PCNX1: variants seen among roughly 807,000 people sequenced by gnomAD.
PCNX1 encodes the protein pecanex 1, also known as pecanex-like protein 1.
PCNX1 carries 78 observed loss-of-function variants against 242.2 expected under a neutral mutation model. That is an observed-to-expected ratio of 0.32 (90% CI 0.27 to 0.39). The LOEUF is 0.39. Ranked by LOEUF, PCNX1 falls within the 10% of genes least tolerant of loss-of-function variation. The pLI is 1.00. For synonymous variants in PCNX1, 1,024 were observed against 1,032.9 expected (o/e 0.99, Z 0.17); for missense variants, 2,581 against 2,856.5 (o/e 0.90, Z 2.20).
At chr14:70,963,803 A>G (rs2058294162) in intron 3 of PCNX1, among the ~76,000 whole-genome samples, 2 of 152,198 alleles carry the variant, frequency 1.3e-5, no homozygotes, top group South Asian at 2.1e-4. Flanking sequence ...CCAGTTCTGT[A>G]AAACAAGTTA....
In PCNX1 at chr14:71,028,808, A is replaced by G. The variant is rs753730678; in HGVS notation, c.3558+17A>G. 4.1e-6 allele frequency: 6 copies of G among 1,460,114 alleles called. No individual in the cohort carries two copies. The East Asian group carries it at 1.2e-4, about 28-fold the overall frequency. The allele number at this position is 1,460,114 out of a possible 1,614,324, so 90.4% of individuals were successfully genotyped here. On this transcript the variant is annotated intron_variant, in intron 16 of 35. Transcript: ENST00000304743. ...GCTTTAAAGGTGAGCAATAAATTAT[A>G]GTATGTTTTGTCTTTAAGGCTATAT...
intron 1 of PCNX1, among the ~76,000 whole-genome samples, chr14:70,925,422 C>T (rs2056550998): frequency 1.3e-5 from 2 of 152,258 alleles, no homozygotes; most frequent in South Asian, 4.1e-4. Flanking sequence ...TACTGTCAAG[C>T]ATACTGTTTT....
intron 18 of PCNX1, among the ~76,000 whole-genome samples, chr14:71,035,116 C>T (rs1487390532): frequency 2.0e-5 from 3 of 152,066 alleles, no homozygotes; most frequent in African/African-American, 7.2e-5. Context: ...GAGACTAAGG[C>T]TGGAGGATCC....
chr14:70,998,275 C>T (rs2059409339), intron 8 of PCNX1, among the ~76,000 whole-genome samples: 1 of 152,058 alleles, frequency 6.6e-6, no homozygotes, highest in African/African-American at 2.4e-5. Flanking sequence ...ATTTCTCTGG[C>T]ATTTTAAGGT....
At chr14:71,091,797 T>G (rs531072507) in intron 30 of PCNX1, among the ~76,000 whole-genome samples, 2 of 152,208 alleles carry the variant, frequency 1.3e-5, no homozygotes, top group Non-Finnish European at 2.9e-5. Flanking sequence ...CTGTGGTACA[T>G]ATTAATATTA....
At chr14:70,964,517 G>T (rs776362730) in intron 3 of PCNX1, among the ~76,000 whole-genome samples, 27 of 152,120 alleles carry the variant, frequency 1.8e-4, no homozygotes, top group Admixed American at 3.9e-4. Context: ...TGCATGTCTT[G>T]TATTCTTAAT....
intron 27 of PCNX1, among the ~76,000 whole-genome samples, chr14:71,074,771 T>C (rs891288498): frequency 6.6e-6 from 1 of 152,178 alleles, no homozygotes; most frequent in African/African-American, 2.4e-5. Flanking sequence ...GCTTAGCGGT[T>C]ACCCCCTAGA....
At chr14:71,071,274 T>C (rs1021563387) in intron 26 of PCNX1, among the ~76,000 whole-genome samples, 12 of 152,242 alleles carry the variant, frequency 7.9e-5, no homozygotes, top group African/African-American at 2.7e-4. Flanking sequence ...TCTTATCTTT[T>C]GTTTGTTCAC....
chr14:70,945,167 G>T lies in PCNX1; in HGVS notation c.154-1748G>T, dbSNP rs560240103. Among the ~76,000 whole-genome samples the T allele has an allele frequency of 2.6e-5, 4 of 152,202 alleles. No homozygotes were observed. In the South Asian group the frequency reaches 8.3e-4, roughly 32 times the overall value. On this transcript the variant is annotated intron_variant, in intron 1 of 35. Coordinates refer to ENST00000304743, the MANE Select transcript of PCNX1 (RefSeq NM_014982.3). ...TCCTGAGGCTATCCAGGAGTCCCCA[G>T]GCACCAGTCAAGCTAATAGTGAACA...
At chr14:71,023,658 A>T (rs1486481437) in intron 13 of PCNX1, among the ~76,000 whole-genome samples, 1 of 152,136 alleles carries the variant, frequency 6.6e-6, no homozygotes, top group Non-Finnish European at 1.5e-5. Flanking sequence ...GTAATACCTG[A>T]GTCTGGTGTT....
chr14:70,969,669 A>G (rs998232616), intron 5 of PCNX1, among the ~76,000 whole-genome samples: 1 of 152,002 alleles, frequency 6.6e-6, no homozygotes, highest in Non-Finnish European at 1.5e-5. Flanking sequence ...CCTATATCCC[A>G]TTCCTAAAAC....
chr14:70,919,453 C>A lies in PCNX1; in HGVS notation c.153+11450C>A, dbSNP rs369831988. Reference sequence around the variant, plus strand: ...TCTGTTATCTGAGTTAAATGATTTTCCTGTGTCTCTTAGGAAAGCTGGAGG... The same window carrying A: ...TCTGTTATCTGAGTTAAATGATTTTACTGTGTCTCTTAGGAAAGCTGGAGG... On this transcript the variant is annotated intron_variant, in intron 1 of 35. Coordinates refer to ENST00000304743, the MANE Select transcript of PCNX1 (RefSeq NM_014982.3). 7.2e-5 allele frequency among the ~76,000 whole-genome samples: 11 copies of A among 152,094 alleles called. No homozygotes were observed. In the South Asian group the frequency reaches 2.3e-3, roughly 32 times the overall value.
intron 2 of PCNX1, among the ~76,000 whole-genome samples, chr14:70,955,860 G>GTT (rs1032857124): frequency 6.8e-6 from 1 of 146,294 alleles, no homozygotes; most frequent in Non-Finnish European, 1.5e-5. Flanking sequence ...TTACTAGAGG[G>GTT]TTTTTTTTTT....
chr14:71,107,703 G>A (rs1480712608), intron 33 of PCNX1, among the ~76,000 whole-genome samples: 1 of 152,154 alleles, frequency 6.6e-6, no homozygotes, highest in Non-Finnish European at 1.5e-5. Flanking sequence ...GAAAATTACA[G>A]CGTGGTATTC....
chr14:71,051,133 A>T (rs1439866118), intron 23 of PCNX1, among the ~76,000 whole-genome samples: 1 of 132,408 alleles, frequency 7.6e-6, no homozygotes, highest in Non-Finnish European at 1.5e-5. Context: ...GCGCCATTGC[A>T]CTCCAGCCTG....
At chr14:70,976,827 T>C in intron 5 of PCNX1, 115 bp from the exon 6 acceptor site, 1 of 895,994 alleles carries the variant, frequency 1.1e-6, no homozygotes, top group Non-Finnish European at 1.7e-6. Flanking sequence ...GGAGAACTAC[T>C]TGAGAAATTA....
At position 70,986,980 on chromosome 14, in the gene PCNX1, G is replaced by T. The variant is rs549695121; in HGVS notation, c.2312-1587G>T. 3.3e-4 allele frequency among the ~76,000 whole-genome samples: 50 copies of T among 152,214 alleles called. No homozygotes were observed. In the South Asian group the frequency reaches 5.4e-3, roughly 16 times the overall value. ...TGAGTTAAACCTTATTGGTGTCTAA[G>T]AACTGTTAGCAGGTATACCAATTGT... On this transcript the variant is annotated intron_variant, in intron 6 of 35. Coordinates refer to ENST00000304743, the MANE Select transcript of PCNX1 (RefSeq NM_014982.3).
chr14:71,060,731 CA>C (rs1238766551), intron 26 of PCNX1: 1 of 151,994 alleles, frequency 6.6e-6, no homozygotes, highest in Admixed American at 6.6e-5. Flanking sequence ...TCATTGAAGA[CA>C]AAAAGATGAA....
chr14:70,949,470 GTA>G (rs371575687), intron 2 of PCNX1, among the ~76,000 whole-genome samples: 1 of 151,354 alleles, frequency 6.6e-6, no homozygotes, highest in Non-Finnish European at 1.5e-5. Flanking sequence ...ATACGCATGT[GTA>G]TATATATACA....
Sources: allele counts gnomAD v4.1 joint callset (sites outside exome capture counted in the v4.1 genomes callset), GRCh38; gene constraint gnomAD v4.1.1; transcripts MANE v1.5; gene names NCBI Gene and HGNC (gene_info 2026-07-23, HGNC 2026-07-21).